The following FGF14 variants were observed in gnomAD, a reference collection of about 807,000 sequenced individuals.
FGF14 encodes fibroblast growth factor 14.
In FGF14, 5 loss-of-function variants were observed where a neutral mutation model predicts 25.5. The ratio of observed to expected loss-of-function variants is 0.20; its 90% CI spans 0.10 to 0.41. The LOEUF is 0.41. Among genes scored for constraint, FGF14 ranks in the 10% least tolerant of loss-of-function variants. The pLI, the probability that FGF14 is intolerant of heterozygous loss-of-function variation, is 1.00. For missense variants in FGF14, 222 were observed against 320.1 expected (o/e 0.69, Z 2.34); for synonymous variants, 138 against 118.3 (o/e 1.17, Z -1.08).
At chr13:101,735,466 A>C (rs2036117545) in intron 3 of FGF14, among the ~76,000 whole-genome samples, 1 of 152,156 alleles carries the variant, frequency 6.6e-6, no homozygotes, top group Non-Finnish European at 1.5e-5. Context: ...AACAAATATA[A>C]GGAGCAAAAA....
chr13:101,839,246 G>C (rs898009835), intron 3 of FGF14, among the ~76,000 whole-genome samples: 2 of 152,030 alleles, frequency 1.3e-5, no homozygotes, highest in African/African-American at 4.8e-5. Flanking sequence ...TAAGTTGAAT[G>C]CAAAGTTAGG....
Position 101,916,721 on chromosome 13 carries a change from C to A in FGF14, c.-76G>T, listed in dbSNP as rs2064935322. The A allele has an allele frequency of 2.3e-6, 3 of 1,305,540 alleles. No homozygotes were observed. In the African/African-American group the frequency reaches 4.5e-5, roughly 20 times the overall value. The allele number at this position is 1,305,540 out of a possible 1,614,324, so 80.9% of individuals were successfully genotyped here. ...CCGGGGGCACCGGAGGGGAAGGCGG[C>A]GGCGCAGACCGTGGCTCGCCCTCGG... On this transcript the variant is annotated 5_prime_UTR_variant, in exon 1 of 5. Coordinates refer to ENST00000376143, the MANE Select transcript of FGF14 (RefSeq NM_004115.4).
At chr13:102,202,664 T>A (rs1055544047) in intron 1 of FGF14, among the ~76,000 whole-genome samples, 1 of 152,236 alleles carries the variant, frequency 6.6e-6, no homozygotes, top group Non-Finnish European at 1.5e-5. Context: ...AATGAGAGCC[T>A]TCTCATCTTA....
chr13:102,357,241 T>C (rs1281766257), intron 1 of FGF14, among the ~76,000 whole-genome samples: 1 of 151,900 alleles, frequency 6.6e-6, no homozygotes, highest in African/African-American at 2.4e-5. Flanking sequence ...ACATCTTACG[T>C]CCCTCATGGT....
At chr13:102,110,161 C>T (rs935655121) in intron 1 of FGF14, among the ~76,000 whole-genome samples, 4 of 152,094 alleles carry the variant, frequency 2.6e-5, no homozygotes, top group African/African-American at 9.7e-5. Flanking sequence ...TTTATAATAG[C>T]TTCAAAAGAC....
intron 1 of FGF14, among the ~76,000 whole-genome samples, chr13:102,030,692 G>A (rs1418859836): frequency 1.3e-5 from 2 of 152,000 alleles, no homozygotes; most frequent in Non-Finnish European, 2.9e-5. Flanking sequence ...ATCAATGTCA[G>A]GGGACAGCCT....
rs1321286558 is a variant in FGF14, at chr13:101,967,658, T to C, written c.209-92362A>G. The C allele has an allele frequency of 4.5e-5, 7 of 153,878 alleles. No individual in the cohort carries two copies. The East Asian group carries it at 1.3e-3, about 30-fold the overall frequency. The allele number at this position is 153,878 out of a possible 1,614,324, so 9.5% of individuals were successfully genotyped here. A position where few individuals can be genotyped will look rare whatever the true frequency, so the allele number is the denominator to read the frequency against. ...GATAGCTTACACGTTGAATTATTCATGCATCTGTGCTTTACCAACTCCATG... is the reference window on the plus strand; with the variant it reads ...GATAGCTTACACGTTGAATTATTCACGCATCTGTGCTTTACCAACTCCATG... On this transcript the variant is annotated intron_variant, in intron 1 of 4. Transcript: ENST00000376131.
At chr13:102,342,786 G>A (rs544235049) in intron 1 of FGF14, among the ~76,000 whole-genome samples, 5 of 152,202 alleles carry the variant, frequency 3.3e-5, no homozygotes, top group African/African-American at 1.2e-4. Flanking sequence ...CACCAGTGGA[G>A]GGCAAAATGG....
At chr13:101,884,281 G>A (rs1290925614) in intron 1 of FGF14, among the ~76,000 whole-genome samples, 1 of 151,916 alleles carries the variant, frequency 6.6e-6, no homozygotes, top group African/African-American at 2.4e-5. Flanking sequence ...AAGGGGCACT[G>A]ACAGATGAGA....
chr13:101,744,884 A>C (rs1446557187), intron 3 of FGF14, among the ~76,000 whole-genome samples: 4 of 152,048 alleles, frequency 2.6e-5, no homozygotes, highest in East Asian at 1.9e-4. Context: ...GTTCATGAAT[A>C]ATCAAAATAA....
intron 1 of FGF14, among the ~76,000 whole-genome samples, chr13:102,398,915 A>C (rs963951235): frequency 2.0e-5 from 3 of 148,994 alleles, no homozygotes; most frequent in Admixed American, 1.3e-4. Flanking sequence ...TATATACTAA[A>C]TGCTCCAACT....
intron 1 of FGF14, among the ~76,000 whole-genome samples, chr13:102,320,563 C>A (rs763896272): frequency 1.3e-5 from 2 of 152,108 alleles, no homozygotes; most frequent in Non-Finnish European, 2.9e-5. Flanking sequence ...GTTTTGGAGA[C>A]TTATTTTGTC....
At chr13:101,735,670 GAAA>G (rs548510485) in intron 3 of FGF14, among the ~76,000 whole-genome samples, 1 of 127,886 alleles carries the variant, frequency 7.8e-6, no homozygotes, top group Non-Finnish European at 1.7e-5. Context: ...ATCCCCATAG[GAAA>G]AAAAAAAAAA....
In FGF14 at chr13:102,249,549, G is replaced by GTGT. The variant is rs2052059613; in HGVS notation, c.208+151921_208+151922insACA. On this transcript the variant is annotated intron_variant, in intron 1 of 4. Transcript: ENST00000376131. Reference sequence around the variant, plus strand: ...AGAATTATGGTATGGTACTGAGAGGGGTGTGTGTGTGTGTGTGTGTGTGTG... The same window carrying GTGT: ...AGAATTATGGTATGGTACTGAGAGGGTGTGTGTGTGTGTGTGTGTGTGTGTGTG... 2.7e-5 allele frequency among the ~76,000 whole-genome samples: 4 copies of GTGT among 150,400 alleles called. No individual in the cohort carries two copies. In the East Asian group the frequency reaches 6.0e-4, roughly 23 times the overall value.
At chr13:102,139,349 A>C (rs1421189250) in intron 1 of FGF14, among the ~76,000 whole-genome samples, 1 of 152,104 alleles carries the variant, frequency 6.6e-6, no homozygotes, top group Non-Finnish European at 1.5e-5. Flanking sequence ...ACAGTGAGGC[A>C]AAATCATGCT....
At chr13:101,800,107 G>T (rs1233116383) in intron 3 of FGF14, among the ~76,000 whole-genome samples, 1 of 152,078 alleles carries the variant, frequency 6.6e-6, no homozygotes, top group Admixed American at 6.6e-5. Flanking sequence ...TTTAGAATTT[G>T]CAGACAGAAA....
rs1394680875 is a variant in FGF14, at chr13:101,712,994, C to A, written c.*9837G>T. On this transcript the variant is annotated 3_prime_UTR_variant, in exon 5 of 5. Coordinates refer to ENST00000376143, the MANE Select transcript of FGF14 (RefSeq NM_004115.4). ...TTTCCTCAAGAGCATGCAAATCAAC[C>A]TGGACCCTCAGGAAAACAAGTCAAG... The A allele has an allele frequency of 1.3e-5, 2 of 152,174 alleles. No homozygotes were observed. Among genetic ancestry groups the A allele is most frequent in the Non-Finnish European group, 2.9e-5 (2 of 68,036 alleles). 9.4% of individuals were successfully genotyped at this position (152,174 alleles called of 1,614,324 possible).
intron 1 of FGF14, among the ~76,000 whole-genome samples, chr13:102,189,528 G>A (rs973553183): frequency 6.6e-6 from 1 of 152,094 alleles, no homozygotes; most frequent in African/African-American, 2.4e-5. Flanking sequence ...CAACATTTAG[G>A]AGCACCTTTA....
At position 101,722,457 on chromosome 13, in the gene FGF14, A is replaced by G; in HGVS notation, c.*374T>C. The G allele has an allele frequency of 6.1e-6, 2 of 330,394 alleles. No homozygotes were observed. The highest frequency in any genetic ancestry group is 5.4e-5 in the South Asian group (2 of 37,300). 20.5% of individuals were successfully genotyped at this position (330,394 alleles called of 1,614,324 possible). On this transcript the variant is annotated 3_prime_UTR_variant, in exon 5 of 5. Coordinates refer to ENST00000376143, the MANE Select transcript of FGF14 (RefSeq NM_004115.4). ...TTGTGTGCTACAAAATTGAACTTAA[A>G]CACATAGATTTCGCTGAAACAGGAC...
Sources: allele counts gnomAD v4.1 joint callset (sites outside exome capture counted in the v4.1 genomes callset), GRCh38; gene constraint gnomAD v4.1.1; transcripts MANE v1.5; gene names NCBI Gene and HGNC (gene_info 2026-07-23, HGNC 2026-07-21).